LMOD1: variants seen among roughly 807,000 people sequenced by gnomAD.
The protein encoded by LMOD1 is leiomodin-1.
LMOD1 carries 8 observed loss-of-function variants against 36.5 expected under a neutral mutation model. The observed-to-expected ratio is 0.22, with a 90% CI of 0.13 to 0.40. LMOD1 has a LOEUF of 0.40. LMOD1 is among the 10% of genes least tolerant of loss of function. LMOD1 has a pLI of 1.00. For synonymous variants in LMOD1, 284 were observed against 288.7 expected (o/e 0.98, Z 0.17); for missense variants, 630 against 751.1 (o/e 0.84, Z 1.88).
chr1:201,911,644 G>A (rs1385603542), intron 1 of LMOD1, among the ~76,000 whole-genome samples: 2 of 152,146 alleles, frequency 1.3e-5, no homozygotes, highest in African/African-American at 4.8e-5. Flanking sequence ...TAGCCTGGGC[G>A]ACGGAGTGAG....
chr1:201,899,104 C>G lies in LMOD1; in HGVS notation c.1776+133G>C. 2.5e-6 allele frequency: 2 copies of G among 788,186 alleles called. No individual in the cohort carries two copies. Among genetic ancestry groups the G allele is most frequent in the Non-Finnish European group, 2.0e-6 (1 of 510,762 alleles). 48.8% of individuals were successfully genotyped at this position (788,186 alleles called of 1,614,324 possible). A position where few individuals can be genotyped will look rare whatever the true frequency, so the allele number is the denominator to read the frequency against. ...GATGCATGAGATGACCTGAAGTCCC[C>G]TATGGGCCCTGGGAGTCTATATCAT... is the stretch of plus-strand genomic sequence containing the variant. On this transcript the variant is annotated intron_variant, in intron 2 of 2. Transcript: ENST00000367288. The surrounding 1 kb of genome is among the most constrained non-coding windows in gnomAD (Gnocchi z 6.3).
In LMOD1 at chr1:201,896,471, A is replaced by C; in HGVS notation, c.*1901T>G. On this transcript the variant is annotated 3_prime_UTR_variant, in exon 3 of 3. Coordinates refer to ENST00000367288, the MANE Select transcript of LMOD1 (RefSeq NM_012134.3). ...AAAACAGACCTGAGCTCTGACTTTTATTAGCTGTGTGATCATGGATATATT... is the reference window on the plus strand; with the variant it reads ...AAAACAGACCTGAGCTCTGACTTTTCTTAGCTGTGTGATCATGGATATATT... 4 of 455,656 alleles carry C rather than the reference A, an allele frequency of 8.8e-6. No individual in the cohort carries two copies. The highest frequency in any genetic ancestry group is 1.8e-5 in the Non-Finnish European group (4 of 226,266). 28.2% of individuals were successfully genotyped at this position (455,656 alleles called of 1,614,324 possible). A position where few individuals can be genotyped will look rare whatever the true frequency, so the allele number is the denominator to read the frequency against.
At chr1:201,946,026 G>A in intron 1 of LMOD1, 54 bp downstream of exon 1, 11 of 1,557,948 alleles carry the variant, frequency 7.1e-6, no homozygotes, top group Non-Finnish European at 9.6e-6. Flanking sequence ...ATGAAGCCAG[G>A]GTCTCCAGCC....
At chr1:201,928,426 A>T (rs1197665866) in intron 1 of LMOD1, among the ~76,000 whole-genome samples, 4 of 152,188 alleles carry the variant, frequency 2.6e-5, no homozygotes. Flanking sequence ...CCAGCTGCAG[A>T]ATTGGTATAT....
chr1:201,937,077 T>G (rs1001446603), intron 1 of LMOD1, among the ~76,000 whole-genome samples: 5 of 152,236 alleles, frequency 3.3e-5, no homozygotes, highest in African/African-American at 9.6e-5. Context: ...ATATATGTCA[T>G]ATGTTACATG....
At chr1:201,921,243 A>T (rs1681698078) in intron 1 of LMOD1, among the ~76,000 whole-genome samples, 1 of 152,094 alleles carries the variant, frequency 6.6e-6, no homozygotes, top group Non-Finnish European at 1.5e-5. Flanking sequence ...TAATCCCAGC[A>T]CTTTGGGAGG....
chr1:201,916,364 A>G (rs2493782), intron 1 of LMOD1, among the ~76,000 whole-genome samples: 6 of 152,010 alleles, frequency 3.9e-5, no homozygotes, highest in African/African-American at 1.4e-4. Context: ...AAATACAAAC[A>G]TTAGCCAGGC....
intron 1 of LMOD1, among the ~76,000 whole-genome samples, chr1:201,926,202 A>C (rs189786758): frequency 6.6e-6 from 1 of 152,128 alleles, no homozygotes; most frequent in Admixed American, 6.5e-5. Flanking sequence ...AAAGAATAAC[A>C]TGTGTGGCCT....
At chr1:201,924,378 AG>A (rs1681764587) in intron 1 of LMOD1, among the ~76,000 whole-genome samples, 14 of 127,800 alleles carry the variant, frequency 1.1e-4, no homozygotes, top group East Asian at 5.4e-4. Flanking sequence ...GGAGGGAGGG[AG>A]GGAAGGAAGG....
chr1:201,900,191 ATTC>A lies in LMOD1; in HGVS notation c.819_821del (p.Lys273del). 6.2e-7 allele frequency: 1 copy of A among 1,613,558 alleles called. No individual in the cohort carries two copies. Among genetic ancestry groups the A allele is most frequent in the Non-Finnish European group, 8.5e-7 (1 of 1,179,798 alleles). ...TGGCTTCCTTTTCATGTAAGGGTTC[ATTC>A]TTCTTGACTTTTTCATCGTCCTTTT... On this transcript the variant is annotated inframe_deletion, in exon 2 of 3. Transcript: ENST00000367288.
chr1:201,936,599 T>C (rs1402269259), intron 1 of LMOD1, among the ~76,000 whole-genome samples: 2 of 152,116 alleles, frequency 1.3e-5, no homozygotes, highest in African/African-American at 4.8e-5. Context: ...TGGAAAGCTT[T>C]TCCCCACATC....
chr1:201,934,299 C>A (rs1306352049), intron 1 of LMOD1, among the ~76,000 whole-genome samples: 1 of 152,180 alleles, frequency 6.6e-6, no homozygotes, highest in Non-Finnish European at 1.5e-5. Context: ...CTATGGCTGC[C>A]AGTGCTGTCC....
intron 1 of LMOD1, among the ~76,000 whole-genome samples, chr1:201,943,418 A>G (rs1682153244): frequency 6.6e-6 from 1 of 152,218 alleles, no homozygotes; most frequent in African/African-American, 2.4e-5. Flanking sequence ...TGTTTTGACC[A>G]CTTTTCAGTT....
intron 1 of LMOD1, among the ~76,000 whole-genome samples, chr1:201,925,966 A>C (rs532410527): frequency 6.6e-6 from 1 of 152,038 alleles, no homozygotes; most frequent in Non-Finnish European, 1.5e-5. Context: ...CTCCCATCTC[A>C]GCCTCCCAAA....
At chr1:201,934,696 A>G (rs538070758) in intron 1 of LMOD1, among the ~76,000 whole-genome samples, 1 of 152,254 alleles carries the variant, frequency 6.6e-6, no homozygotes, top group South Asian at 2.1e-4. Flanking sequence ...ACTATTCACC[A>G]CAGTGAAATC....
chr1:201,922,059 T>C (rs1485795072), intron 1 of LMOD1, among the ~76,000 whole-genome samples: 1 of 152,170 alleles, frequency 6.6e-6, no homozygotes, highest in African/African-American at 2.4e-5. Context: ...TTCACACCTA[T>C]TGGGTGTCTA....
rs1219690493 is a variant in LMOD1, at chr1:201,900,004, C to T, written c.1009G>A (p.Val337Ile). ...TTTGTGATGCAGTCTGAGTTGTTGA[C>T]GTTCACCTCAGTCATCTCGGGGTCA... ...NNDPEMTEVN[V>I]NNSDCITNEI... is the part of the protein sequence containing the mutation. The change falls in exon 2 of 3, where the codon GTC becomes ATC. Residue 337 changes from valine (V) to isoleucine (I), a missense_variant. Around this residue, in one of 3 missense-constraint regions of LMOD1, gnomAD observed 81 missense variants for 180.6 expected, o/e 0.45. Coordinates refer to ENST00000367288, the MANE Select transcript of LMOD1 (RefSeq NM_012134.3). 3.7e-6 allele frequency: 6 copies of T among 1,613,770 alleles called. No homozygotes were observed. In the African/African-American group the frequency reaches 4.0e-5, roughly 11 times the overall value.
intron 1 of LMOD1, among the ~76,000 whole-genome samples, chr1:201,934,097 A>G (rs1681974476): frequency 6.6e-6 from 1 of 152,084 alleles, no homozygotes; most frequent in Non-Finnish European, 1.5e-5. Context: ...GTGAAAATCT[A>G]CTGGATTTTC....
chr1:201,917,523 G>C (rs1261706252), intron 1 of LMOD1, among the ~76,000 whole-genome samples: 2 of 152,134 alleles, frequency 1.3e-5, no homozygotes, highest in Non-Finnish European at 2.9e-5. Flanking sequence ...GCCAATGAAG[G>C]GTCAACTCCA....
Sources: allele counts gnomAD v4.1 joint callset (sites outside exome capture counted in the v4.1 genomes callset), GRCh38; gene constraint gnomAD v4.1.1; regional missense constraint gnomAD v4.1.1; non-coding constraint Gnocchi (gnomAD v3.1); transcripts MANE v1.5; gene names NCBI Gene and HGNC (gene_info 2026-07-23, HGNC 2026-07-21).